RANBP17: variants seen among roughly 807,000 people sequenced by gnomAD.
The protein encoded by RANBP17 is ran-binding protein 17.
A neutral mutation model predicts 141.2 loss-of-function variants in RANBP17; 158 were observed. The ratio of observed to expected loss-of-function variants is 1.12; its 90% CI spans 0.98 to 1.28. The LOEUF (loss-of-function observed/expected upper bound fraction) is 1.28, where lower values mean the gene tolerates loss of function less well. Ranked by LOEUF, RANBP17 falls within the 50% of genes most tolerant of loss-of-function variation. The pLI is 0.00. For synonymous variants in RANBP17, 430 were observed against 450.0 expected, an observed-to-expected ratio of 0.96 and a Z score of 0.56; for missense variants, 1,438 against 1,290.7, an observed-to-expected ratio of 1.11 and a Z score of -1.75.
At chr5:171,065,054 A>G (rs906834320) in intron 14 of RANBP17, among the ~76,000 whole-genome samples, 1 of 151,942 alleles carries the variant, frequency 6.6e-6, no homozygotes, top group African/African-American at 2.4e-5. Flanking sequence ...AGTCATAGTT[A>G]GGAACCCTTT....
chr5:171,022,365 G>T (rs924154411), intron 14 of RANBP17, among the ~76,000 whole-genome samples: 1 of 152,220 alleles, frequency 6.6e-6, no homozygotes, highest in South Asian at 2.1e-4. Context: ...CATCTGGGCT[G>T]CCTGGATTCC....
At chr5:171,177,858 T>A (rs558298637) in intron 16 of RANBP17, among the ~76,000 whole-genome samples, 2 of 152,306 alleles carry the variant, frequency 1.3e-5, no homozygotes, top group South Asian at 4.1e-4. Context: ...AGACTTGTTT[T>A]CCCTTCCTTT....
At chr5:171,265,615 G>T in intron 24 of RANBP17, 66 bp from the exon 25 acceptor site, 1 of 1,341,194 alleles carries the variant, frequency 7.5e-7, no homozygotes, top group Non-Finnish European at 1.0e-6. Flanking sequence ...TAATGGAGCC[G>T]TTAGAAAATC....
At chr5:170,870,106 T>A (rs989482841) in intron 1 of RANBP17, among the ~76,000 whole-genome samples, 1 of 152,176 alleles carries the variant, frequency 6.6e-6, no homozygotes, top group Non-Finnish European at 1.5e-5. Flanking sequence ...GTATTATCAG[T>A]TCTAAAATTC....
chr5:171,245,440 G>A (rs966652434), intron 24 of RANBP17, among the ~76,000 whole-genome samples: 4 of 151,884 alleles, frequency 2.6e-5, no homozygotes, highest in Non-Finnish European at 5.9e-5. Flanking sequence ...TCAGCCTCCT[G>A]AGTAGCTGGG....
intron 24 of RANBP17, among the ~76,000 whole-genome samples, chr5:171,256,723 G>GGT (rs1422860816): frequency 5.9e-5 from 9 of 151,952 alleles, no homozygotes; most frequent in Non-Finnish European, 1.2e-4. Context: ...TGAAAAAGGA[G>GGT]GTGTTACAAC....
rs144779711 is a variant in RANBP17 at position 171,099,473 on chromosome 5, C to T, written c.1711-70657C>T. ...ATTTTATATCCTGAGACTTTGTTGA[C>T]GTTGCTTTTTGGCTTAAGGAGATTT... is the stretch of plus-strand genomic sequence containing the variant. On this transcript the variant is annotated intron_variant, in intron 14 of 27. Transcript: ENST00000523189. 9.8e-3 allele frequency among the ~76,000 whole-genome samples: 1,488 copies of T among 152,236 alleles called. 18 individuals are homozygous for T. The highest frequency in any genetic ancestry group is 0.015 in the Non-Finnish European group (1,035 of 68,006).
chr5:171,044,716 A>T (rs1782460182), intron 14 of RANBP17, among the ~76,000 whole-genome samples: 1 of 152,106 alleles, frequency 6.6e-6, no homozygotes, highest in African/African-American at 2.4e-5. Context: ...ACTGATGGCT[A>T]AAGTTTCCCT....
intron 25 of RANBP17, among the ~76,000 whole-genome samples, chr5:171,285,076 G>C (rs1317602764): frequency 1.3e-5 from 2 of 152,146 alleles, no homozygotes; most frequent in African/African-American, 4.8e-5. Context: ...TCCTGTGCAT[G>C]GGCTGTTCGT....
At chr5:171,024,027 A>G (rs1781066760) in intron 14 of RANBP17, among the ~76,000 whole-genome samples, 1 of 152,228 alleles carries the variant, frequency 6.6e-6, no homozygotes, top group African/African-American at 2.4e-5. Context: ...AAGTTAAAAA[A>G]TAAATATTCA....
rs1314416126 is a variant in RANBP17, at chr5:171,206,156, AC to A, written c.2231+550del. ...AGTACAGACAGGAAAAAAAAAAAAA[AC>A]CCCCCACAGAAATGCCTTATCATGT... is the stretch of plus-strand genomic sequence containing the variant. On this transcript the variant is annotated intron_variant, in intron 20 of 27. Coordinates refer to ENST00000523189, the MANE Select transcript of RANBP17 (RefSeq NM_022897.5). The A allele has an allele frequency of 7.3e-3, 1,190 of 162,850 alleles. 2 individuals carry two copies. Among genetic ancestry groups the A allele is most frequent in the African/African-American group, 9.6e-3 (387 of 40,200 alleles). 10.1% of individuals were successfully genotyped at this position (162,850 alleles called of 1,614,324 possible).
chr5:171,072,891 G>GA (rs1784709341), intron 14 of RANBP17, among the ~76,000 whole-genome samples: 1 of 152,172 alleles, frequency 6.6e-6, no homozygotes, highest in Admixed American at 6.6e-5. Flanking sequence ...CCATGAAGTG[G>GA]AGTGAGTTGG....
intron 14 of RANBP17, chr5:171,158,642 G>A (rs1759075837): frequency 6.1e-6 from 1 of 164,090 alleles, no homozygotes; most frequent in Admixed American, 6.6e-5. Context: ...TTTTTCTTAA[G>A]CCTTTGACCA....
At chr5:170,864,364 G>C (rs1767067974) in intron 1 of RANBP17, among the ~76,000 whole-genome samples, 1 of 152,142 alleles carries the variant, frequency 6.6e-6, no homozygotes, top group Non-Finnish European at 1.5e-5. Flanking sequence ...AATGTTAATT[G>C]TGTGTCTCAT....
At chr5:171,135,812 G>A (rs1178614300) in intron 14 of RANBP17, among the ~76,000 whole-genome samples, 1 of 152,172 alleles carries the variant, frequency 6.6e-6, no homozygotes, top group Non-Finnish European at 1.5e-5. Context: ...AGTCCTAGCT[G>A]AGGCAATTGC....
intron 24 of RANBP17, among the ~76,000 whole-genome samples, chr5:171,264,380 C>G (rs1488478996): frequency 1.3e-5 from 2 of 151,872 alleles, no homozygotes; most frequent in Non-Finnish European, 1.5e-5. Flanking sequence ...CACCTATTCC[C>G]CAAAAATTAT....
At chr5:171,266,804 C>T (rs899951979) in intron 25 of RANBP17, among the ~76,000 whole-genome samples, 3 of 151,638 alleles carry the variant, frequency 2.0e-5, no homozygotes, top group Admixed American at 6.6e-5. Flanking sequence ...CCCAGCTAGT[C>T]GGGATGCTGA....
At chr5:171,120,248 G>A (rs1195393899) in intron 14 of RANBP17, among the ~76,000 whole-genome samples, 3 of 152,182 alleles carry the variant, frequency 2.0e-5, no homozygotes, top group Non-Finnish European at 2.9e-5. Flanking sequence ...CACTGGAACT[G>A]CTCTGGGTCA....
intron 14 of RANBP17, among the ~76,000 whole-genome samples, chr5:171,034,330 A>T (rs79345417): frequency 1.3e-5 from 2 of 152,114 alleles, no homozygotes; most frequent in African/African-American, 4.8e-5. Flanking sequence ...TAGGGTTATC[A>T]TATGTAATTA....
Sources: allele counts gnomAD v4.1 joint callset (sites outside exome capture counted in the v4.1 genomes callset), GRCh38; gene constraint gnomAD v4.1.1; transcripts MANE v1.5; gene names NCBI Gene and HGNC (gene_info 2026-07-23, HGNC 2026-07-21).